RLF: variants seen among roughly 807,000 people sequenced by gnomAD.
RLF encodes the protein RLF zinc finger, also known as zinc finger protein Rlf.
Under a neutral mutation model 162.9 loss-of-function variants are expected in RLF, and 7 were observed. The ratio of observed to expected loss-of-function variants is 0.04; its 90% confidence interval spans 0.02 to 0.08. RLF has a LOEUF of 0.08. Among genes scored for constraint, RLF ranks in the 10% least tolerant of loss-of-function variants. The pLI is 1.00. For synonymous variants in RLF, 782 were observed against 791.5 expected, an observed-to-expected ratio of 0.99 and a Z score of 0.20; for missense variants, 1,664 against 2,244.7, an observed-to-expected ratio of 0.74 and a Z score of 5.23.
At chr1:40,198,549 C>CCT (rs750663593) in intron 4 of RLF, among the ~76,000 whole-genome samples, 2 of 152,182 alleles carry the variant, frequency 1.3e-5, no homozygotes, top group Non-Finnish European at 2.9e-5. Context: ...GATCCACCTG[C>CCT]CTCAGCCTCC....
At chr1:40,164,417 A>G (rs1003398326) in intron 1 of RLF, among the ~76,000 whole-genome samples, 5 of 152,208 alleles carry the variant, frequency 3.3e-5, no homozygotes, top group African/African-American at 1.2e-4. Flanking sequence ...TTCAATTTTC[A>G]TAAGTTTGTG....
At chr1:40,228,645 A>C (rs1246737501) in intron 6 of RLF, among the ~76,000 whole-genome samples, 1 of 151,790 alleles carries the variant, frequency 6.6e-6, no homozygotes, top group South Asian at 2.1e-4. Context: ...ACTTTAATGG[A>C]TTTACCTAAC....
chr1:40,208,487 C>T (rs1019663984), intron 5 of RLF, among the ~76,000 whole-genome samples: 4 of 152,154 alleles, frequency 2.6e-5, no homozygotes, highest in Non-Finnish European at 4.4e-5. Flanking sequence ...GTGCTGTGTG[C>T]TTTAAATGTG....
chr1:40,220,824 C>CAT (rs768250534), intron 5 of RLF, among the ~76,000 whole-genome samples: 4 of 151,920 alleles, frequency 2.6e-5, no homozygotes, highest in Non-Finnish European at 5.9e-5. Flanking sequence ...AGTGAAAGTG[C>CAT]ATAAAAAAGT....
intron 5 of RLF, among the ~76,000 whole-genome samples, 198 bp downstream of exon 5, chr1:40,202,812 TAACTA>T (rs1284191814): frequency 6.6e-6 from 1 of 152,206 alleles, no homozygotes; most frequent in Non-Finnish European, 1.5e-5. Flanking sequence ...GAAAAGTAGA[TAACTA>T]AAGAATATAC....
chr1:40,195,119 G>A (rs1248833625), intron 3 of RLF, among the ~76,000 whole-genome samples: 1 of 151,624 alleles, frequency 6.6e-6, no homozygotes, highest in African/African-American at 2.4e-5. Context: ...ACAGGCATGA[G>A]CCACTGTGCC....
intron 4 of RLF, among the ~76,000 whole-genome samples, chr1:40,200,008 C>G (rs752614629): frequency 1.3e-5 from 2 of 152,094 alleles, no homozygotes; most frequent in Admixed American, 6.6e-5. Context: ...AGGGTATGAC[C>G]GTGAGTTCAT....
At chr1:40,179,546 CTTTT>C (rs35301710) in intron 1 of RLF, among the ~76,000 whole-genome samples, 1 of 143,406 alleles carries the variant, frequency 7.0e-6, no homozygotes, top group African/African-American at 2.6e-5. Flanking sequence ...AAAGTTAACT[CTTTT>C]TTTTTTTTTT....
At chr1:40,234,234 G>A (rs1273670967) in intron 7 of RLF, among the ~76,000 whole-genome samples, 2 of 152,206 alleles carry the variant, frequency 1.3e-5, no homozygotes, top group African/African-American at 2.4e-5. Flanking sequence ...ACAGGTGTGA[G>A]CCACTGTGCC....
At chr1:40,177,801 G>C (rs1557739337) in intron 1 of RLF, 1 of 151,774 alleles carries the variant, frequency 6.6e-6, no homozygotes, top group Non-Finnish European at 1.5e-5. Flanking sequence ...AAGTTCTTTA[G>C]ATATAGATAT....
intron 5 of RLF, among the ~76,000 whole-genome samples, chr1:40,217,931 T>C (rs1407085414): frequency 6.6e-6 from 1 of 152,212 alleles, no homozygotes; most frequent in Non-Finnish European, 1.5e-5. Context: ...GTAACGTGTA[T>C]GTAGACATAA....
intron 5 of RLF, among the ~76,000 whole-genome samples, chr1:40,211,934 T>C (rs1642870788): frequency 6.6e-6 from 1 of 152,242 alleles, no homozygotes; most frequent in Admixed American, 6.5e-5. Flanking sequence ...CAGCCACTAG[T>C]CAGTCTCTTA....
chr1:40,178,384 C>A (rs1642355943), intron 1 of RLF, among the ~76,000 whole-genome samples: 5 of 151,730 alleles, frequency 3.3e-5, no homozygotes, highest in Admixed American at 2.6e-4. Context: ...ATAGTGGTTG[C>A]CAAGGGCTAG....
chr1:40,198,987 A>G (rs1189664241), intron 4 of RLF, among the ~76,000 whole-genome samples: 1 of 152,260 alleles, frequency 6.6e-6, no homozygotes, highest in East Asian at 1.9e-4. Flanking sequence ...AACTGTAGTT[A>G]TAATTATTGA....
intron 6 of RLF, among the ~76,000 whole-genome samples, chr1:40,226,406 T>G (rs2124556739): frequency 6.6e-6 from 1 of 152,328 alleles, no homozygotes; most frequent in African/African-American, 2.4e-5. Context: ...ACTTTGAACC[T>G]CCACAGTAAG....
At chr1:40,174,423 G>A (rs1319980541) in intron 1 of RLF, among the ~76,000 whole-genome samples, 1 of 151,854 alleles carries the variant, frequency 6.6e-6, no homozygotes, top group African/African-American at 2.4e-5. Flanking sequence ...GCCACCAAAT[G>A]GGTATATGAC....
chr1:40,226,511 A>G (rs1232477347), intron 6 of RLF, among the ~76,000 whole-genome samples: 1 of 152,182 alleles, frequency 6.6e-6, no homozygotes, highest in Non-Finnish European at 1.5e-5. Context: ...AGATGTAGTT[A>G]CATGTCTGTT....
intron 5 of RLF, among the ~76,000 whole-genome samples, chr1:40,206,716 G>A (rs1242112873): frequency 6.6e-6 from 1 of 152,006 alleles, no homozygotes; most frequent in African/African-American, 2.4e-5. Flanking sequence ...TGTAATCTTA[G>A]TGCCCACTAC....
intron 3 of RLF, among the ~76,000 whole-genome samples, chr1:40,193,655 G>T (rs1642590298): frequency 6.6e-6 from 1 of 152,082 alleles, no homozygotes; most frequent in Non-Finnish European, 1.5e-5. Flanking sequence ...TGCAGCATTT[G>T]TTAAATATTG....
Sources: gnomAD v4.1 joint callset for allele counts (sites outside exome capture counted in the v4.1 genomes callset) on GRCh38, gnomAD v4.1.1 for gene constraint, MANE v1.5 for transcripts, NCBI Gene and HGNC (gene_info 2026-07-23, HGNC 2026-07-21) for gene names.